CSMD1: variants seen among roughly 807,000 people sequenced by gnomAD.
The protein encoded by CSMD1 is CUB and sushi domain-containing protein 1.
CSMD1 carries 213 observed loss-of-function variants against 417.5 expected under a neutral mutation model. That is an observed-to-expected ratio of 0.51 (90% CI 0.46 to 0.57). CSMD1 has a LOEUF of 0.57. CSMD1 is among the 20% of genes least tolerant of loss of function. The probability of loss-of-function intolerance (pLI) is 0.00; values close to 1 mark genes in which losing one functional copy is unlikely to be tolerated. For synonymous variants in CSMD1, 2,862 were observed against 1,736.8 expected (o/e 1.65, Z -16.11); for missense variants, 6,923 against 4,529.7 (o/e 1.53, Z -15.17).
At chr8:3,422,045 T>G (rs1313157003) in intron 12 of CSMD1, among the ~76,000 whole-genome samples, 3 of 146,390 alleles carry the variant, frequency 2.0e-5, no homozygotes, top group Non-Finnish European at 4.4e-5. Context: ...AGCCACCATG[T>G]CCAGCCCTGA....
At chr8:3,466,998 T>C (rs920029539) in intron 12 of CSMD1, among the ~76,000 whole-genome samples, 5 of 152,176 alleles carry the variant, frequency 3.3e-5, no homozygotes, top group Non-Finnish European at 5.9e-5. Flanking sequence ...ACACATGACA[T>C]TGAATTGGCC....
At chr8:4,791,062 G>A (rs1418668555) in intron 1 of CSMD1, among the ~76,000 whole-genome samples, 2 of 118,310 alleles carry the variant, frequency 1.7e-5, no homozygotes, top group Non-Finnish European at 4.1e-5. Context: ...CTAGTAGGGA[G>A]AGAGACGGTG....
chr8:3,314,745 C>G (rs1022436454), intron 23 of CSMD1, among the ~76,000 whole-genome samples: 1 of 152,188 alleles, frequency 6.6e-6, no homozygotes, highest in East Asian at 1.9e-4. Context: ...AGAATTAAAT[C>G]CTATGTATCT....
At chr8:3,982,793 A>G (rs1197606226) in intron 5 of CSMD1, among the ~76,000 whole-genome samples, 1 of 152,152 alleles carries the variant, frequency 6.6e-6, no homozygotes, top group African/African-American at 2.4e-5. Flanking sequence ...CGAGGGCAAG[A>G]ATCCGCTGGA....
chr8:4,445,325 C>T (rs1385161707), intron 2 of CSMD1, among the ~76,000 whole-genome samples: 1 of 152,188 alleles, frequency 6.6e-6, no homozygotes, highest in Non-Finnish European at 1.5e-5. Flanking sequence ...CAACCATTTT[C>T]TGTATACTTC....
At chr8:4,984,633 G>A (rs922132733) in intron 1 of CSMD1, among the ~76,000 whole-genome samples, 1 of 152,074 alleles carries the variant, frequency 6.6e-6, no homozygotes, top group Admixed American at 6.5e-5. Context: ...GATTAGGGTA[G>A]TCATAGCCTT....
chr8:4,903,473 A>C (rs144466999), intron 1 of CSMD1, among the ~76,000 whole-genome samples: 1 of 152,176 alleles, frequency 6.6e-6, no homozygotes, highest in East Asian at 1.9e-4. Flanking sequence ...AATTGTACAA[A>C]TGTATATCGT....
chr8:2,983,463 G>A (rs1805598861), intron 54 of CSMD1, among the ~76,000 whole-genome samples: 1 of 152,158 alleles, frequency 6.6e-6, no homozygotes, highest in Non-Finnish European at 1.5e-5. Context: ...CGGGATTGCA[G>A]GTGTGAGCCA....
At chr8:3,434,241 C>A (rs535701685) in intron 12 of CSMD1, among the ~76,000 whole-genome samples, 5 of 152,132 alleles carry the variant, frequency 3.3e-5, no homozygotes, top group Non-Finnish European at 7.4e-5. Flanking sequence ...CTGTAAGGTA[C>A]GACTAAATCG....
intron 2 of CSMD1, among the ~76,000 whole-genome samples, chr8:4,453,763 G>A (rs574370166): frequency 5.4e-5 from 8 of 148,966 alleles, no homozygotes; most frequent in African/African-American, 1.5e-4. Context: ...CCATTTGAGC[G>A]AACGCCTCAG....
intron 3 of CSMD1, among the ~76,000 whole-genome samples, chr8:4,368,048 T>A (rs889920855): frequency 1.3e-5 from 2 of 152,188 alleles, no homozygotes; most frequent in African/African-American, 4.8e-5. Flanking sequence ...TCCAGTACTA[T>A]GTTGAATAGT....
rs559577751 is a variant in CSMD1 at position 3,162,198 on chromosome 8, G to A, written c.5805C>T (p.Asp1935=). ...IKIGDRYMVN[D]VLSFQCEPGY... ...CGGGCTCGCACTGGAAGGAGAGCACGTCGTTCACCATGTACCGATCTCCGA... is the reference window on the plus strand; with the variant it reads ...CGGGCTCGCACTGGAAGGAGAGCACATCGTTCACCATGTACCGATCTCCGA... The change falls in exon 38 of 70, where the codon GAC becomes GAT. Residue 1935 remains aspartate, a synonymous_variant. Transcript: ENST00000635120. The A allele has an allele frequency of 9.9e-6, 16 of 1,610,660 alleles. No homozygotes were observed. Among genetic ancestry groups the A allele is most frequent in the Admixed American group, 5.0e-5 (3 of 59,740 alleles).
At chr8:3,955,576 A>G (rs1406767836) in intron 5 of CSMD1, among the ~76,000 whole-genome samples, 4 of 152,130 alleles carry the variant, frequency 2.6e-5, no homozygotes, top group Non-Finnish European at 5.9e-5. Flanking sequence ...ATTCCATAGG[A>G]GATTGGTGCT....
chr8:3,241,472 G>C (rs922385631), intron 26 of CSMD1, among the ~76,000 whole-genome samples: 6 of 152,184 alleles, frequency 3.9e-5, no homozygotes, highest in South Asian at 2.1e-4. Flanking sequence ...ATCTGGCAGT[G>C]TCAGTCTTCA....
chr8:4,920,103 G>T (rs150667950), intron 1 of CSMD1, among the ~76,000 whole-genome samples: 1 of 152,142 alleles, frequency 6.6e-6, no homozygotes, highest in African/African-American at 2.4e-5. Flanking sequence ...ACAATGTTGA[G>T]ATCAATCAAG....
intron 11 of CSMD1, among the ~76,000 whole-genome samples, chr8:3,487,975 T>A (rs1401133263): frequency 6.6e-6 from 1 of 151,658 alleles, no homozygotes; most frequent in Admixed American, 6.6e-5. Context: ...TAATTTACTT[T>A]CCAGACACAG....
intron 2 of CSMD1, among the ~76,000 whole-genome samples, chr8:4,557,163 G>C (rs558389576): frequency 3.9e-4 from 60 of 152,276 alleles, no homozygotes; most frequent in African/African-American, 1.4e-3. Context: ...TTCCTGCTTA[G>C]CTCCATCAGT....
intron 3 of CSMD1, among the ~76,000 whole-genome samples, chr8:4,083,160 T>G (rs989714503): frequency 1.3e-5 from 2 of 152,148 alleles, no homozygotes; most frequent in East Asian, 1.9e-4. Flanking sequence ...AAATGGTATT[T>G]CTGGTTCTAG....
chr8:3,280,074 G>C (rs749457509), intron 26 of CSMD1, among the ~76,000 whole-genome samples: 13 of 149,350 alleles, frequency 8.7e-5, no homozygotes, highest in African/African-American at 1.7e-4. Flanking sequence ...CGGCCCCCGG[G>C]GTACCTGAAG....
Sources: allele counts gnomAD v4.1 joint callset (sites outside exome capture counted in the v4.1 genomes callset), GRCh38; gene constraint gnomAD v4.1.1; transcripts MANE v1.5; gene names NCBI Gene and HGNC (gene_info 2026-07-23, HGNC 2026-07-21).